RYR2: variants seen among roughly 807,000 people sequenced by gnomAD.
RYR2 encodes ryanodine receptor 2.
Under a neutral mutation model 601.1 loss-of-function variants are expected in RYR2, and 227 were observed. The observed-to-expected ratio is 0.38, with a 90% CI of 0.34 to 0.42. RYR2 has a LOEUF of 0.42. Among genes scored for constraint, RYR2 ranks in the 10% least tolerant of loss-of-function variants. The pLI, the probability that RYR2 is intolerant of heterozygous loss-of-function variation, is 1.00. For missense variants in RYR2, 4,646 were observed against 6,156.5 expected, an observed-to-expected ratio of 0.75 and a Z score of 8.21; for synonymous variants, 2,223 against 2,175.1, an observed-to-expected ratio of 1.02 and a Z score of -0.61.
chr1:237,567,415 C>CAAAAAAAAAA (rs3057438), intron 28 of RYR2, among the ~76,000 whole-genome samples: 2 of 111,986 alleles, frequency 1.8e-5, no homozygotes, highest in Non-Finnish European at 3.5e-5. Flanking sequence ...CCTGTCTCTA[C>CAAAAAAAAAA]AAAAAAAAAA....
At chr1:237,761,360 A>T (rs1453687678) in intron 84 of RYR2, among the ~76,000 whole-genome samples, 1 of 152,164 alleles carries the variant, frequency 6.6e-6, no homozygotes, top group African/African-American at 2.4e-5. Flanking sequence ...GAACCTTTCA[A>T]GAACATTTGA....
intron 97 of RYR2, among the ~76,000 whole-genome samples, chr1:237,799,001 G>A (rs1000442324): frequency 5.3e-5 from 8 of 152,168 alleles, no homozygotes; most frequent in African/African-American, 1.9e-4. Context: ...TTCTGGTTCT[G>A]TGAAGCAGTA....
chr1:237,684,353 A>G (rs933445243), intron 62 of RYR2, among the ~76,000 whole-genome samples: 6 of 152,146 alleles, frequency 3.9e-5, no homozygotes, highest in African/African-American at 1.4e-4. Context: ...ACTACAGCCA[A>G]GTAGACACGT....
At chr1:237,053,291 G>A (rs1304846824) in intron 1 of RYR2, among the ~76,000 whole-genome samples, 1 of 152,224 alleles carries the variant, frequency 6.6e-6, no homozygotes, top group East Asian at 1.9e-4. Flanking sequence ...CGAAACGTCA[G>A]GAGAACATTT....
chr1:237,270,487 C>G lies in RYR2; in HGVS notation c.49-10C>G, dbSNP rs760891474. On this transcript the variant is annotated splice_polypyrimidine_tract_variant and intron_variant, in intron 1 of 104. Coordinates refer to ENST00000366574, the MANE Select transcript of RYR2 (RefSeq NM_001035.3). ...CACTTATTTTTCCCTCTCTTTCTCCCCCTTTGCAGGATGATGAAGTGGTTC... is the reference window on the plus strand; with the variant it reads ...CACTTATTTTTCCCTCTCTTTCTCCGCCTTTGCAGGATGATGAAGTGGTTC... 1 of 1,568,400 alleles carries G rather than the reference C, an allele frequency of 6.4e-7. No individual in the cohort carries two copies.
At chr1:237,332,704 TA>T (rs1333464574) in intron 3 of RYR2, among the ~76,000 whole-genome samples, 2 of 152,234 alleles carry the variant, frequency 1.3e-5, no homozygotes, top group Admixed American at 6.5e-5. Flanking sequence ...TAAATTGCCA[TA>T]AATTTAATTT....
intron 11 of RYR2, 24 bp downstream of exon 11, chr1:237,417,147 C>G (rs759570625): frequency 8.3e-6 from 13 of 1,561,390 alleles, no homozygotes; most frequent in African/African-American, 1.4e-5. Flanking sequence ...CTAAACACAG[C>G]CTAATGCACC....
chr1:237,719,782 A>T (rs1477996102), intron 73 of RYR2, among the ~76,000 whole-genome samples: 1 of 151,550 alleles, frequency 6.6e-6, no homozygotes, highest in Admixed American at 6.6e-5. Context: ...TGAGGATTAC[A>T]TTTCCACATA....
chr1:237,546,442 A>G (rs184740546), intron 25 of RYR2, among the ~76,000 whole-genome samples: 130 of 152,304 alleles, frequency 8.5e-4, no homozygotes, highest in African/African-American at 2.9e-3. Context: ...CAGTGGCACA[A>G]TCTCGGCTCA....
In RYR2 at chr1:237,192,173, C is replaced by T. The variant is rs576418179; in HGVS notation, c.49-78324C>T. Among the ~76,000 whole-genome samples the T allele has an allele frequency of 1.5e-3, 225 of 145,640 alleles. 3 individuals are homozygous for T. The highest frequency in any genetic ancestry group is 0.011 in the Admixed American group (159 of 14,734). On this transcript the variant is annotated intron_variant, in intron 1 of 104. Coordinates refer to ENST00000366574, the MANE Select transcript of RYR2 (RefSeq NM_001035.3). Reference sequence around the variant, plus strand: ...ACAATACTGCGGCCTCTGCTTTCTCCAGAAAAAAAAAAAAAACATTTTCTT... The same window carrying T: ...ACAATACTGCGGCCTCTGCTTTCTCTAGAAAAAAAAAAAAAACATTTTCTT...
intron 1 of RYR2, among the ~76,000 whole-genome samples, chr1:237,175,071 A>C (rs1179314227): frequency 6.6e-6 from 1 of 152,222 alleles, no homozygotes; most frequent in African/African-American, 2.4e-5. Flanking sequence ...TGAATCATAT[A>C]CTTATGCATA....
At chr1:237,397,871 A>G (rs1168525891) in intron 10 of RYR2, among the ~76,000 whole-genome samples, 3 of 151,792 alleles carry the variant, frequency 2.0e-5, no homozygotes, top group East Asian at 3.9e-4. Flanking sequence ...ACAGGCACCC[A>G]CCACCACATC....
chr1:237,380,561 A>G (rs961027165), intron 8 of RYR2, among the ~76,000 whole-genome samples: 12 of 150,736 alleles, frequency 8.0e-5, no homozygotes, highest in African/African-American at 2.9e-4. Context: ...CTGGAATCCA[A>G]CAAGGCTCGT....
intron 66 of RYR2, among the ~76,000 whole-genome samples, chr1:237,703,242 A>C (rs539274702): frequency 1.2e-3 from 190 of 152,086 alleles, no homozygotes; most frequent in African/African-American, 4.5e-3. Flanking sequence ...AAATTTTAGA[A>C]GTGAATGCTA....
chr1:237,530,565 C>A (rs1462035573), intron 25 of RYR2, 55 bp downstream of exon 25: 2 of 1,264,762 alleles, frequency 1.6e-6, no homozygotes, highest in African/African-American at 1.5e-5. Context: ...TTAGTGCAAC[C>A]AAATAACTCT....
At chr1:237,747,145 A>G (rs1692150322) in intron 80 of RYR2, among the ~76,000 whole-genome samples, 1 of 152,228 alleles carries the variant, frequency 6.6e-6, no homozygotes, top group African/African-American at 2.4e-5. Context: ...TAAATTAATG[A>G]CAGTGAAGCT....
intron 74 of RYR2, among the ~76,000 whole-genome samples, chr1:237,724,162 C>T (rs528636127): frequency 1.4e-5 from 2 of 138,772 alleles, no homozygotes; most frequent in Non-Finnish European, 3.1e-5. Context: ...GGAACTTTGC[C>T]ACCTAAATGT....
At chr1:237,178,615 T>G (rs1456946342) in intron 1 of RYR2, among the ~76,000 whole-genome samples, 1 of 152,094 alleles carries the variant, frequency 6.6e-6, no homozygotes, top group Non-Finnish European at 1.5e-5. Flanking sequence ...AAGACCAGGC[T>G]GGGCAACATA....
At chr1:237,064,751 C>CTTTTTTTTTTTTTTTTTTTTTTTT (rs551797601) in intron 1 of RYR2, among the ~76,000 whole-genome samples, 2 of 110,010 alleles carry the variant, frequency 1.8e-5, no homozygotes, top group African/African-American at 8.0e-5. Context: ...TAGAACCTGT[C>CTTTTTTTTTTTTTTTTTTTTTTTT]TTTTTTTTTT....
Sources: allele counts gnomAD v4.1 joint callset (sites outside exome capture counted in the v4.1 genomes callset), GRCh38; gene constraint gnomAD v4.1.1; transcripts MANE v1.5; gene names NCBI Gene and HGNC (gene_info 2026-07-23, HGNC 2026-07-21).